DCC: variants seen among roughly 807,000 people sequenced by gnomAD.
The protein encoded by DCC is netrin receptor DCC.
In DCC, 58 loss-of-function variants were observed where a neutral mutation model predicts 172.5. The observed-to-expected ratio is 0.34, with a 90% CI of 0.27 to 0.42. The LOEUF is 0.42. Among genes scored for constraint, DCC ranks in the 10% least tolerant of loss-of-function variants. The probability of loss-of-function intolerance (pLI) is 1.00; values close to 1 mark genes in which losing one functional copy is unlikely to be tolerated. For synonymous variants in DCC, 709 were observed against 644.5 expected (o/e 1.10, Z -1.52); for missense variants, 1,740 against 1,791.0 (o/e 0.97, Z 0.51).
At chr18:53,141,836 T>C (rs1379666085) in intron 7 of DCC, among the ~76,000 whole-genome samples, 1 of 152,202 alleles carries the variant, frequency 6.6e-6, no homozygotes, top group Non-Finnish European at 1.5e-5. Context: ...CTGGTTATGA[T>C]TACTTTTCAT....
rs1417779649 is a variant in DCC, at chr18:53,386,032, T to C, written c.2360-11T>C. On this transcript the variant is annotated splice_polypyrimidine_tract_variant and intron_variant, in intron 15 of 28. Coordinates refer to ENST00000442544, the MANE Select transcript of DCC (RefSeq NM_005215.4). ...ATCAACACGTTCATATTGTTTCTGT[T>C]TTTTCTCCAGAGTCAAGTTCCCATT... The C allele has an allele frequency of 3.2e-6, 5 of 1,568,500 alleles. No homozygotes were observed. Among genetic ancestry groups the C allele is most frequent in the Non-Finnish European group, 4.4e-6 (5 of 1,138,468 alleles).
At chr18:52,641,261 C>A (rs189151138) in intron 1 of DCC, among the ~76,000 whole-genome samples, 28 of 152,244 alleles carry the variant, frequency 1.8e-4, no homozygotes, top group African/African-American at 6.5e-4. Context: ...ACTAAAAATT[C>A]TATAAGACAA....
At chr18:52,438,434 A>G (rs1394765775) in intron 1 of DCC, among the ~76,000 whole-genome samples, 2 of 152,190 alleles carry the variant, frequency 1.3e-5, no homozygotes, top group African/African-American at 2.4e-5. Flanking sequence ...ACCCACCTGG[A>G]ACCATGAAAG....
At chr18:52,638,600 T>G (rs2034828271) in intron 1 of DCC, among the ~76,000 whole-genome samples, 2 of 152,124 alleles carry the variant, frequency 1.3e-5, no homozygotes, top group African/African-American at 4.8e-5. Context: ...TATATAATGG[T>G]AAAAGGCCTT....
chr18:52,907,968 G>A (rs1028832027), intron 3 of DCC, among the ~76,000 whole-genome samples: 1 of 152,030 alleles, frequency 6.6e-6, no homozygotes, highest in African/African-American at 2.4e-5. Context: ...CTCATTTTGC[G>A]ATTCTAATTA....
intron 14 of DCC, among the ~76,000 whole-genome samples, chr18:53,338,360 T>C (rs2057615242): frequency 6.6e-6 from 1 of 152,166 alleles, no homozygotes. Context: ...TCCCAGAACT[T>C]TGGGAGGCCA....
chr18:52,528,986 T>A (rs1357217171), intron 1 of DCC, among the ~76,000 whole-genome samples: 1 of 152,064 alleles, frequency 6.6e-6, no homozygotes, highest in Non-Finnish European at 1.5e-5. Flanking sequence ...TATGACCCCC[T>A]AGTGCCAATC....
intron 1 of DCC, among the ~76,000 whole-genome samples, chr18:52,624,875 G>A (rs1013844264): frequency 1.9e-4 from 29 of 152,150 alleles, no homozygotes; most frequent in African/African-American, 6.8e-4. Context: ...TTTGGCTTAC[G>A]CAGATCGTAA....
intron 1 of DCC, among the ~76,000 whole-genome samples, chr18:52,594,421 G>T (rs1017385429): frequency 6.6e-6 from 1 of 152,144 alleles, no homozygotes; most frequent in Non-Finnish European, 1.5e-5. Flanking sequence ...TCATGTCTGG[G>T]TGTATATTAG....
intron 5 of DCC, among the ~76,000 whole-genome samples, chr18:52,953,800 T>C (rs764220572): frequency 4.6e-5 from 7 of 152,216 alleles, no homozygotes; most frequent in Non-Finnish European, 7.3e-5. Context: ...CAGCTGACAT[T>C]ACAGTGTCTG....
chr18:52,374,512 A>C (rs1210219886), intron 1 of DCC, among the ~76,000 whole-genome samples: 1 of 152,128 alleles, frequency 6.6e-6, no homozygotes, highest in Admixed American at 6.6e-5. Flanking sequence ...TGCTATATAT[A>C]TATATATATT....
In DCC at chr18:53,266,807, A is replaced by G. The variant is rs544891246; in HGVS notation, c.1912-38771A>G. The stretch of plus-strand genomic sequence containing the variant: ...TGGTCTGTTGTGATTGGCTTCTTTC[A>G]TTTACTGAAATGTTTTAAGGTTCAT... On this transcript the variant is annotated intron_variant, in intron 12 of 28. Coordinates refer to ENST00000442544, the MANE Select transcript of DCC (RefSeq NM_005215.4). 1.4e-4 allele frequency among the ~76,000 whole-genome samples: 21 copies of G among 151,462 alleles called. No homozygotes were observed. In the South Asian group the frequency reaches 4.4e-3, roughly 32 times the overall value.
At chr18:52,459,909 A>G (rs953026080) in intron 1 of DCC, among the ~76,000 whole-genome samples, 2 of 151,706 alleles carry the variant, frequency 1.3e-5, no homozygotes, top group African/African-American at 4.8e-5. Flanking sequence ...ACACACATAT[A>G]TATACACACA....
At chr18:52,421,327 G>A (rs1285703763) in intron 1 of DCC, among the ~76,000 whole-genome samples, 4 of 152,158 alleles carry the variant, frequency 2.6e-5, no homozygotes, top group African/African-American at 9.7e-5. Flanking sequence ...TGCCATTAGA[G>A]GTGTCAGGGA....
chr18:53,099,146 C>T (rs968498758), intron 7 of DCC, among the ~76,000 whole-genome samples: 4 of 151,990 alleles, frequency 2.6e-5, no homozygotes, highest in African/African-American at 9.7e-5. Context: ...TCAGTTATTA[C>T]TAATAAGTTG....
intron 9 of DCC, among the ~76,000 whole-genome samples, chr18:53,193,207 G>T (rs1289096982): frequency 6.6e-6 from 1 of 151,940 alleles, no homozygotes; most frequent in African/African-American, 2.4e-5. Flanking sequence ...TAGAATAAAA[G>T]ATCCACATCC....
chr18:52,647,368 AT>A (rs1203937249), intron 1 of DCC, among the ~76,000 whole-genome samples: 1 of 152,134 alleles, frequency 6.6e-6, no homozygotes, highest in African/African-American at 2.4e-5. Flanking sequence ...GATTACTTCT[AT>A]TCAAAAACTA....
At chr18:52,551,885 A>G (rs537960528) in intron 1 of DCC, among the ~76,000 whole-genome samples, 9 of 152,114 alleles carry the variant, frequency 5.9e-5, no homozygotes, top group African/African-American at 2.2e-4. Context: ...GTCTATTCCA[A>G]TGGTTGAGCT....
At chr18:53,359,472 C>A (rs57740540) in intron 15 of DCC, among the ~76,000 whole-genome samples, 6,898 of 152,020 alleles carry the variant, frequency 0.045, 496 homozygotes, top group African/African-American at 0.15. Context: ...TGTTAAAACT[C>A]CTGGTAAAAC....
Sources: allele counts gnomAD v4.1 joint callset (sites outside exome capture counted in the v4.1 genomes callset), GRCh38; gene constraint gnomAD v4.1.1; transcripts MANE v1.5; gene names NCBI Gene and HGNC (gene_info 2026-07-23, HGNC 2026-07-21).